TTLL1: variants seen among roughly 807,000 people sequenced by gnomAD.
The protein encoded by TTLL1 is TTL family tubulin polyglutamylase complex subunit L1.
TTLL1 carries 33 observed loss-of-function variants against 47.8 expected under a neutral mutation model. The observed-to-expected ratio is 0.69, with a 90% CI of 0.52 to 0.92. The LOEUF is 0.92. Ranked by LOEUF, TTLL1 falls within the 40% of genes least tolerant of loss-of-function variation. TTLL1 has a pLI of 0.00. For missense variants in TTLL1, 488 were observed against 547.5 expected, an observed-to-expected ratio of 0.89 and a Z score of 1.08; for synonymous variants, 225 against 214.1, an observed-to-expected ratio of 1.05 and a Z score of -0.45.
intron 10 of TTLL1, among the ~76,000 whole-genome samples, chr22:43,044,139 G>A (rs545630467): frequency 1.4e-5 from 2 of 144,926 alleles, no homozygotes. Context: ...CCCTGTCCCC[G>A]CTGCCCTCTG....
intron 1 of TTLL1, among the ~76,000 whole-genome samples, chr22:43,083,748 C>A (rs1374615216): frequency 1.3e-5 from 2 of 151,950 alleles, no homozygotes; most frequent in African/African-American, 2.4e-5. Flanking sequence ...ACCACAACCA[C>A]AACAATAAAA....
At chr22:43,081,379 T>C (rs1928876668) in intron 1 of TTLL1, among the ~76,000 whole-genome samples, 1 of 152,074 alleles carries the variant, frequency 6.6e-6, no homozygotes, top group Non-Finnish European at 1.5e-5. Context: ...GTGAGTCCCT[T>C]GAACCTGACT....
intron 7 of TTLL1, among the ~76,000 whole-genome samples, chr22:43,060,008 T>C (rs1927295441): frequency 6.6e-6 from 1 of 151,972 alleles, no homozygotes; most frequent in Non-Finnish European, 1.5e-5. Flanking sequence ...CTCCTATTAA[T>C]GTGGGGTTTT....
intron 1 of TTLL1, among the ~76,000 whole-genome samples, chr22:43,082,142 G>A (rs1211298873): frequency 4.0e-5 from 6 of 149,280 alleles, no homozygotes; most frequent in East Asian, 1.9e-4. Flanking sequence ...GTGAGTCACC[G>A]CACCTGGACC....
chr22:43,073,060 G>A (rs1928232897), intron 3 of TTLL1, among the ~76,000 whole-genome samples: 1 of 151,792 alleles, frequency 6.6e-6, no homozygotes, highest in African/African-American at 2.4e-5. Context: ...TGTCGCCCAG[G>A]CTGGAGTGCA....
At chr22:43,043,411 C>T (rs780693749) in intron 10 of TTLL1, among the ~76,000 whole-genome samples, 1 of 152,070 alleles carries the variant, frequency 6.6e-6, no homozygotes, top group African/African-American at 2.4e-5. Flanking sequence ...CAAGTCTCCC[C>T]GCAATGGTCC....
At position 43,043,326 on chromosome 22, in the gene TTLL1, C is replaced by A. The variant is rs529633617; in HGVS notation, c.1142+3084G>T. On this transcript the variant is annotated intron_variant, in intron 10 of 10. Coordinates refer to ENST00000266254, the MANE Select transcript of TTLL1 (RefSeq NM_012263.5). Reference sequence around the variant, plus strand: ...GGCTGGACGCGGCAGAGGCTCTACACGCTCCCAACAAGCCAGCCTCTCCAC... The same window carrying A: ...GGCTGGACGCGGCAGAGGCTCTACAAGCTCCCAACAAGCCAGCCTCTCCAC... 2.6e-5 allele frequency among the ~76,000 whole-genome samples: 4 copies of A among 152,082 alleles called. No homozygotes were observed. In the South Asian group the frequency reaches 6.2e-4, roughly 24 times the overall value.
chr22:43,043,196 C>T (rs1601648875), intron 10 of TTLL1, among the ~76,000 whole-genome samples: 1 of 152,100 alleles, frequency 6.6e-6, no homozygotes, highest in Middle Eastern at 3.4e-3. Context: ...CTGCCTTGGC[C>T]TCCCAAAGTG....
chr22:43,065,107 C>T (rs530439693), intron 5 of TTLL1, among the ~76,000 whole-genome samples: 48 of 150,168 alleles, frequency 3.2e-4, no homozygotes, highest in South Asian at 2.8e-3. Flanking sequence ...ATCCTGCCAC[C>T]GCACTCCAGC....
rs1176125696 is a variant in TTLL1 at position 43,063,806 on chromosome 22, C to T, written c.747+7G>A. The T allele has an allele frequency of 1.2e-6, 2 of 1,612,724 alleles. No homozygotes were observed. The highest frequency in any genetic ancestry group is 1.7e-6 in the Non-Finnish European group (2 of 1,178,776). ...TTCTGTAAGCACAAATGAAAGGACA[C>T]ACTCACCCCGTGTTTCTGGATGGCG... is the stretch of plus-strand genomic sequence containing the variant. On this transcript the variant is annotated splice_region_variant and intron_variant, in intron 7 of 10. Transcript: ENST00000266254.
rs780653917 is a variant in TTLL1 at position 43,068,551 on chromosome 22, T to C, written c.362A>G (p.Asn121Ser). 11 of 1,553,224 alleles carry C rather than the reference T, an allele frequency of 7.1e-6. No individual in the cohort carries two copies. Among genetic ancestry groups the C allele is most frequent in the Admixed American group, 1.7e-5 (1 of 57,862 alleles). The change falls in exon 5 of 11, where the codon AAC becomes AGC. Residue 121 changes from asparagine to serine, a missense_variant. Coordinates refer to ENST00000266254, the MANE Select transcript of TTLL1 (RefSeq NM_012263.5). ...PVTYMLPADY[N>S]LFVEEFRKSP... ...CTTCCGGAACTCCTCTACAAACAGG[T>C]TGTAGTCAGCGGGCAGCATATAGGT... is the stretch of plus-strand genomic sequence containing the variant.
At chr22:43,045,167 A>G (rs1015319088) in intron 10 of TTLL1, among the ~76,000 whole-genome samples, 1 of 152,050 alleles carries the variant, frequency 6.6e-6, no homozygotes. Context: ...AGCCAGGTCA[A>G]TCTTTTTAAA....
intron 8 of TTLL1, among the ~76,000 whole-genome samples, chr22:43,054,388 G>C (rs1379795291): frequency 6.6e-6 from 1 of 151,534 alleles, no homozygotes. Context: ...TTCACTTAAA[G>C]TGCAGAAAGT....
At chr22:43,064,034 G>A (rs550040927) in intron 6 of TTLL1, 113 bp from the exon 7 acceptor site, 420 of 1,471,148 alleles carry the variant, frequency 2.9e-4, no homozygotes, top group Non-Finnish European at 3.6e-4. Context: ...GACTCACATC[G>A]GCATCGGGCC....
At chr22:43,051,908 G>A (rs1281071641) in intron 8 of TTLL1, 21 bp from the exon 9 acceptor site, 1 of 1,610,842 alleles carries the variant, frequency 6.2e-7, no homozygotes, top group Non-Finnish European at 8.5e-7. Context: ...AGTGACCAGT[G>A]GGTGACATGG....
chr22:43,048,316 C>CA (rs1301637969), intron 9 of TTLL1, among the ~76,000 whole-genome samples: 1 of 138,492 alleles, frequency 7.2e-6, no homozygotes, highest in Non-Finnish European at 1.6e-5. Context: ...GACTCCGTCT[C>CA]AAAAAAAAAG....
intron 10 of TTLL1, 119 bp from the exon 11 acceptor site, chr22:43,040,024 A>C (rs1601643668): frequency 7.4e-7 from 1 of 1,357,744 alleles, no homozygotes; most frequent in African/African-American, 1.5e-5. Flanking sequence ...AGGGGGCCCC[A>C]CCCTCGCGAC....
intron 5 of TTLL1, among the ~76,000 whole-genome samples, chr22:43,066,683 T>A (rs943502883): frequency 2.7e-5 from 4 of 145,934 alleles, no homozygotes; most frequent in African/African-American, 1.0e-4. Flanking sequence ...GATCCCGTCT[T>A]AAAAAAAAAA....
At chr22:43,077,395 CA>C (rs1928578152) in intron 2 of TTLL1, among the ~76,000 whole-genome samples, 1 of 152,224 alleles carries the variant, frequency 6.6e-6, no homozygotes, top group South Asian at 2.1e-4. Context: ...GCTTGCTCCA[CA>C]AAGCCTCCCT....
Sources: gnomAD v4.1 joint callset for allele counts (sites outside exome capture counted in the v4.1 genomes callset) on GRCh38, gnomAD v4.1.1 for gene constraint, MANE v1.5 for transcripts, NCBI Gene and HGNC (gene_info 2026-07-23, HGNC 2026-07-21) for gene names.